The following MYO5B variants were observed in gnomAD, a reference collection of about 807,000 sequenced individuals.
The protein encoded by MYO5B is myosin VB.
Under a neutral mutation model 229.3 loss-of-function variants are expected in MYO5B, and 143 were observed. The observed-to-expected ratio is 0.62, with a 90% CI of 0.54 to 0.72. MYO5B has a LOEUF of 0.72. Among genes scored for constraint, MYO5B ranks in the 30% least tolerant of loss-of-function variants. The pLI, the probability that MYO5B is intolerant of heterozygous loss-of-function variation, is 0.00. For missense variants in MYO5B, 2,321 were observed against 2,331.0 expected, an observed-to-expected ratio of 1.00 and a Z score of 0.09; for synonymous variants, 918 against 885.2, an observed-to-expected ratio of 1.04 and a Z score of -0.66.
chr18:49,930,455 A>C (rs1489936943), intron 16 of MYO5B, among the ~76,000 whole-genome samples: 1 of 152,230 alleles, frequency 6.6e-6, no homozygotes, highest in Non-Finnish European at 1.5e-5. Flanking sequence ...AGTGTAGAAT[A>C]AAAAGCCAGA....
At chr18:50,092,373 C>A (rs2144490034) in intron 1 of MYO5B, among the ~76,000 whole-genome samples, 1 of 152,170 alleles carries the variant, frequency 6.6e-6, no homozygotes. Context: ...CAGGGGATTA[C>A]AAAAGGTTGA....
intron 1 of MYO5B, among the ~76,000 whole-genome samples, chr18:50,116,902 G>A (rs2031973302): frequency 1.3e-5 from 2 of 151,232 alleles, no homozygotes; most frequent in African/African-American, 2.4e-5. Flanking sequence ...TGAAGAATCA[G>A]CATCTGTGAT....
chr18:49,923,759 T>C (rs1255696008), intron 17 of MYO5B, among the ~76,000 whole-genome samples: 1 of 152,168 alleles, frequency 6.6e-6, no homozygotes, highest in Non-Finnish European at 1.5e-5. Flanking sequence ...TATTGAACAA[T>C]TCATTCTGTT....
chr18:49,881,720 T>C (rs1326396272), intron 22 of MYO5B, among the ~76,000 whole-genome samples: 1 of 214 alleles, frequency 4.7e-3, no homozygotes, highest in East Asian at 0.083. Context: ...GAGAATGGCG[T>C]GAACTCCAGG....
chr18:50,048,366 C>G (rs1488641803), intron 2 of MYO5B, among the ~76,000 whole-genome samples: 1 of 152,100 alleles, frequency 6.6e-6, no homozygotes, highest in Admixed American at 6.6e-5. Context: ...GCAAATTAAC[C>G]CTGAAACTTC....
chr18:49,893,905 G>C (rs1347488415), intron 22 of MYO5B, among the ~76,000 whole-genome samples: 1 of 152,244 alleles, frequency 6.6e-6, no homozygotes, highest in African/African-American at 2.4e-5. Context: ...GTAGGGCCAA[G>C]GGCCTCTGCT....
Position 50,139,946 on chromosome 18 carries a change from C to T in MYO5B, c.27+54821G>A, listed in dbSNP as rs561271147. Among the ~76,000 whole-genome samples the T allele has an allele frequency of 1.2e-4, 18 of 152,218 alleles. No homozygotes were observed. The East Asian group carries it at 2.1e-3, about 18-fold the overall frequency. ...TAAATTTATCAAACACCATAGCTGA[C>T]GGTGAATTAATTAACTTCTCATCAG... is the stretch of plus-strand genomic sequence containing the variant. On this transcript the variant is annotated intron_variant, in intron 1 of 39. Coordinates refer to ENST00000285039, the MANE Select transcript of MYO5B (RefSeq NM_001080467.3).
chr18:49,972,086 C>T (rs2025698277), intron 10 of MYO5B, among the ~76,000 whole-genome samples: 1 of 152,138 alleles, frequency 6.6e-6, no homozygotes, highest in Admixed American at 6.5e-5. Flanking sequence ...GGAAGCCACT[C>T]TGAGATGAAG....
chr18:49,860,918 T>A (rs2024321269), intron 29 of MYO5B, among the ~76,000 whole-genome samples: 2 of 152,350 alleles, frequency 1.3e-5, no homozygotes, highest in East Asian at 3.9e-4. Flanking sequence ...GTAATGGGAA[T>A]CCCCTTGTCA....
intron 1 of MYO5B, among the ~76,000 whole-genome samples, chr18:50,065,393 A>G (rs2030794633): frequency 6.6e-6 from 1 of 152,110 alleles, no homozygotes; most frequent in Non-Finnish European, 1.5e-5. Flanking sequence ...TCATTCACTC[A>G]GTTCTGCATG....
chr18:49,976,087 A>C lies in MYO5B; in HGVS notation c.1057-1472T>G, dbSNP rs115907831. On this transcript the variant is annotated intron_variant, in intron 9 of 39. Coordinates refer to ENST00000285039, the MANE Select transcript of MYO5B (RefSeq NM_001080467.3). ...TCCCTCAACTGAATCCACCTGGGAA[A>C]GCTGGTAGCCCAGGCTCAAGCCTGC... Among the ~76,000 whole-genome samples the C allele has an allele frequency of 3.6e-3, 552 of 152,340 alleles. 2 individuals are homozygous for C. The highest frequency in any genetic ancestry group is 0.013 in the African/African-American group (522 of 41,578).
At chr18:50,056,520 C>CA (rs1309071392) in intron 1 of MYO5B, among the ~76,000 whole-genome samples, 1 of 152,174 alleles carries the variant, frequency 6.6e-6, no homozygotes, top group Non-Finnish European at 1.5e-5. Flanking sequence ...CACACACATA[C>CA]ATCTGGCTTC....
intron 12 of MYO5B, among the ~76,000 whole-genome samples, chr18:49,959,434 G>C (rs569554458): frequency 6.8e-4 from 103 of 152,304 alleles, no homozygotes; most frequent in African/African-American, 2.2e-3. Context: ...CACTTCTTAA[G>C]AAACCACAAT....
chr18:49,993,291 A>C (rs2025952497), intron 5 of MYO5B, among the ~76,000 whole-genome samples: 3 of 151,996 alleles, frequency 2.0e-5, no homozygotes, highest in South Asian at 4.2e-4. Context: ...GTTGAAAGAA[A>C]AGCCAAAATC....
intron 4 of MYO5B, among the ~76,000 whole-genome samples, chr18:50,020,379 C>A (rs1457907917): frequency 3.3e-5 from 5 of 152,218 alleles, no homozygotes; most frequent in Non-Finnish European, 5.9e-5. Context: ...AACCTTCCTG[C>A]AGCAGCTCCT....
chr18:49,996,516 TAAA>T (rs985630665), intron 5 of MYO5B, among the ~76,000 whole-genome samples: 4 of 152,272 alleles, frequency 2.6e-5, no homozygotes, highest in Admixed American at 2.6e-4. Context: ...CATGGATTAA[TAAA>T]AAAATGTAGA....
chr18:50,189,979 G>A (rs2033205556), intron 1 of MYO5B, among the ~76,000 whole-genome samples: 1 of 152,100 alleles, frequency 6.6e-6, no homozygotes, highest in Non-Finnish European at 1.5e-5. Context: ...TAACCTCCCA[G>A]CAGCACTCAA....
intron 17 of MYO5B, among the ~76,000 whole-genome samples, chr18:49,920,248 T>C (rs1438065181): frequency 6.6e-6 from 1 of 152,222 alleles, no homozygotes; most frequent in Non-Finnish European, 1.5e-5. Context: ...ACTCTGTATA[T>C]AATGAAAATA....
chr18:50,102,820 G>C (rs2144504794), intron 1 of MYO5B, among the ~76,000 whole-genome samples: 1 of 151,916 alleles, frequency 6.6e-6, no homozygotes, highest in South Asian at 2.1e-4. Context: ...AGATAATCCT[G>C]TACCAGCCCA....
Sources: gnomAD v4.1 joint callset for allele counts (sites outside exome capture counted in the v4.1 genomes callset) on GRCh38, gnomAD v4.1.1 for gene constraint, MANE v1.5 for transcripts, NCBI Gene and HGNC (gene_info 2026-07-23, HGNC 2026-07-21) for gene names.